The following SYNE2 variants were observed in gnomAD, a reference collection of about 807,000 sequenced individuals.
The protein encoded by SYNE2 is spectrin repeat containing nuclear envelope protein 2, also known as nesprin-2.
Under a neutral mutation model 856.3 loss-of-function variants are expected in SYNE2, and 431 were observed. That is an observed-to-expected ratio of 0.50 (90% CI 0.47 to 0.55). SYNE2 has a LOEUF of 0.55. Ranked by LOEUF, SYNE2 falls within the 20% of genes least tolerant of loss-of-function variation. The pLI is 0.00. For synonymous variants in SYNE2, 2,923 were observed against 2,872.3 expected (o/e 1.02, Z -0.56); for missense variants, 8,129 against 8,023.2 (o/e 1.01, Z -0.50).
intron 2 of SYNE2, among the ~76,000 whole-genome samples, chr14:63,913,918 G>A (rs1352037833): frequency 7.0e-6 from 1 of 143,556 alleles, no homozygotes; most frequent in Non-Finnish European, 1.5e-5. Context: ...GCCCAGGCTG[G>A]TCTTGAACTC....
At position 63,990,512 on chromosome 14, in the gene SYNE2, A is replaced by C; in HGVS notation, c.2415A>C (p.Gln805His). ...ATATTTCAAGCCAGGAGTCCTTTCA[A>C]CATGTTCTCACAACTGGGCTTCAGG... ...IQNISSQESFQHVLTTGLQAK... is the reference protein window; with the variant it reads ...IQNISSQESFHHVLTTGLQAK... Residue 805 changes from glutamine to histidine, a missense_variant, in exon 20 of 116, where the codon CAA (glutamine) becomes CAC (histidine). Gln to His is a conservative substitution (Grantham distance 24). Around this residue, in one of 3 missense-constraint regions of SYNE2, gnomAD observed 2,422 missense variants for 2,357.4 expected, o/e 1.03. Coordinates refer to ENST00000555002, the MANE Select transcript of SYNE2 (RefSeq NM_182914.3). The C allele has an allele frequency of 6.2e-7, 1 of 1,613,944 alleles. No homozygotes were observed. Among genetic ancestry groups the C allele is most frequent in the Non-Finnish European group, 8.5e-7 (1 of 1,179,920 alleles).
At chr14:63,966,162 G>A (rs1163938272) in intron 10 of SYNE2, among the ~76,000 whole-genome samples, 4 of 151,986 alleles carry the variant, frequency 2.6e-5, no homozygotes, top group African/African-American at 7.2e-5. Flanking sequence ...TGAATAAAAC[G>A]TTATTGGAAC....
upstream of SYNE2, among the ~76,000 whole-genome samples, chr14:63,852,111 G>A (rs2139971089): frequency 6.6e-6 from 1 of 151,456 alleles, no homozygotes; most frequent in Admixed American, 6.6e-5. Context: ...GCGACAGAGT[G>A]AGACCCTGTC....
chr14:64,014,974 T>TATATACAC (rs1434593932), intron 32 of SYNE2, among the ~76,000 whole-genome samples: 1 of 84,896 alleles, frequency 1.2e-5, no homozygotes, highest in African/African-American at 4.2e-5. Flanking sequence ...TATATATATA[T>TATATACAC]ACACACACAC....
intron 31 of SYNE2, 114 bp from the exon 32 acceptor site, chr14:64,009,852 C>G: frequency 1.1e-6 from 1 of 906,002 alleles, no homozygotes; most frequent in Non-Finnish European, 1.7e-6. Context: ...AGAACCACAT[C>G]AAGAGGAAAA....
intron 56 of SYNE2, among the ~76,000 whole-genome samples, chr14:64,081,052 G>A (rs2097518687): frequency 1.3e-5 from 2 of 152,200 alleles, no homozygotes; most frequent in African/African-American, 4.8e-5. Flanking sequence ...TGGCTGAGTT[G>A]TGTCTGTGAT....
At position 64,053,424 on chromosome 14, in the gene SYNE2, C is replaced by T. The variant is rs80035540; in HGVS notation, c.9511C>T (p.Gln3171Ter). ...SLHVLNQIKS[Q>*]LQQPLLINLE... Reference sequence around the variant, plus strand: ...ACATGTTTTAAATCAGATAAAATCTCAATTACAGCAGCCATTACTTATAAA... The same window carrying T: ...ACATGTTTTAAATCAGATAAAATCTTAATTACAGCAGCCATTACTTATAAA... The change falls in exon 48 of 116, where the codon CAA becomes TAA. Residue 3171 changes from glutamine (Q) to a stop codon, truncating the protein, a stop_gained. Transcript: ENST00000555002. LOFTEE classifies it high-confidence loss of function. 1 of 1,612,936 alleles carries T rather than the reference C, an allele frequency of 6.2e-7. No individual in the cohort carries two copies. The highest frequency in any genetic ancestry group is 8.5e-7 in the Non-Finnish European group (1 of 1,179,780).
chr14:63,979,333 A>G (rs2096568439), intron 14 of SYNE2, among the ~76,000 whole-genome samples: 1 of 152,150 alleles, frequency 6.6e-6, no homozygotes, highest in African/African-American at 2.4e-5. Flanking sequence ...TTGAAATGTT[A>G]ATTTTTGTTT....
chr14:64,183,951 AAGGGAG>A (rs1260333266), intron 96 of SYNE2, among the ~76,000 whole-genome samples: 2 of 77,718 alleles, frequency 2.6e-5, no homozygotes, highest in African/African-American at 5.2e-5. Flanking sequence ...ACGTGGAAAG[AAGGGAG>A]AGGGAGGGGG....
intron 61 of SYNE2, among the ~76,000 whole-genome samples, chr14:64,096,071 C>T (rs910963385): frequency 1.3e-5 from 2 of 152,228 alleles, no homozygotes; most frequent in Admixed American, 6.5e-5. Context: ...CCTCACCAGA[C>T]ACCAAACGTA....
At chr14:63,887,498 G>T (rs1438782652) in intron 1 of SYNE2, among the ~76,000 whole-genome samples, 2 of 152,310 alleles carry the variant, frequency 1.3e-5, no homozygotes, top group Admixed American at 1.3e-4. Flanking sequence ...GGCTGTGGAA[G>T]AGAGAGCCCA....
chr14:64,182,641 A>G (rs2098464084), intron 96 of SYNE2, among the ~76,000 whole-genome samples: 1 of 152,164 alleles, frequency 6.6e-6, no homozygotes, highest in African/African-American at 2.4e-5. Flanking sequence ...CACATCTTGC[A>G]CCGCCCTTAA....
chr14:63,899,177 T>A (rs1481753830), intron 1 of SYNE2, among the ~76,000 whole-genome samples: 2 of 152,020 alleles, frequency 1.3e-5, no homozygotes, highest in Non-Finnish European at 2.9e-5. Context: ...GAATGTCAGG[T>A]TTTTTAGCTT....
rs766854943 is a variant in SYNE2 at position 63,986,626 on chromosome 14, G to T, written c.2313+9G>T. The T allele has an allele frequency of 6.2e-7, 1 of 1,613,782 alleles. No individual in the cohort carries two copies. The highest frequency in any genetic ancestry group is 1.1e-5 in the South Asian group (1 of 91,064). On this transcript the variant is annotated intron_variant, in intron 19 of 115. Transcript: ENST00000555002. Reference sequence around the variant, plus strand: ...TGGAAGAATCTTTGAAGGTATGTGTGTAAAAGTATTAAGAGGGTACTTTCA... The same window carrying T: ...TGGAAGAATCTTTGAAGGTATGTGTTTAAAAGTATTAAGAGGGTACTTTCA...
At chr14:64,183,415 GC>G (rs1278247644) in intron 96 of SYNE2, among the ~76,000 whole-genome samples, 3 of 150,662 alleles carry the variant, frequency 2.0e-5, no homozygotes, top group Non-Finnish European at 2.9e-5. Flanking sequence ...AGGAAGAGGC[GC>G]TCCTCACTTC....
At chr14:63,991,184 T>TAG in intron 21 of SYNE2, 69 bp downstream of exon 21, 1 of 1,470,724 alleles carries the variant, frequency 6.8e-7, no homozygotes, top group Non-Finnish European at 9.4e-7. Context: ...GAAATCAAGA[T>TAG]GTTTCCTTCA....
intron 1 of SYNE2, among the ~76,000 whole-genome samples, chr14:63,843,445 G>A (rs1479511313): frequency 1.3e-5 from 2 of 152,170 alleles, no homozygotes; most frequent in African/African-American, 4.8e-5. Context: ...ATCAGTAGAT[G>A]TAATTAAACT....
chr14:64,064,567 T>A (rs1376794738), intron 50 of SYNE2, among the ~76,000 whole-genome samples: 5 of 136,944 alleles, frequency 3.7e-5, no homozygotes, highest in South Asian at 2.2e-4. Context: ...TTTTTTTTTT[T>A]AAATAAGACA....
At chr14:63,890,460 T>C (rs2095105902) in intron 1 of SYNE2, among the ~76,000 whole-genome samples, 2 of 152,254 alleles carry the variant, frequency 1.3e-5, no homozygotes, top group East Asian at 3.9e-4. Context: ...TTTGTTGTAA[T>C]GTTTTTAGGT....
Sources: allele counts gnomAD v4.1 joint callset (sites outside exome capture counted in the v4.1 genomes callset), GRCh38; gene constraint gnomAD v4.1.1; regional missense constraint gnomAD v4.1.1; transcripts MANE v1.5; gene names NCBI Gene and HGNC (gene_info 2026-07-23, HGNC 2026-07-21).